Variants in AFAP1 observed in about 807,000 individuals in gnomAD.
AFAP1 encodes the protein actin filament-associated protein 1.
In AFAP1, 75 loss-of-function variants were observed where a neutral mutation model predicts 93.9. That is an observed-to-expected ratio of 0.80 (90% CI 0.66 to 0.97). The LOEUF is 0.97. Ranked by LOEUF, AFAP1 falls within the 50% of genes least tolerant of loss-of-function variation. The pLI is 0.00. For missense variants in AFAP1, 1,201 were observed against 1,050.8 expected, an observed-to-expected ratio of 1.14 and a Z score of -1.98; for synonymous variants, 517 against 430.7, an observed-to-expected ratio of 1.20 and a Z score of -2.48.
intron 1 of AFAP1, among the ~76,000 whole-genome samples, chr4:7,904,453 T>A (rs1719286504): frequency 6.6e-6 from 1 of 152,190 alleles, no homozygotes; most frequent in African/African-American, 2.4e-5. Flanking sequence ...CCATTAGCGT[T>A]CTTTTTCCTC....
rs1199390097 is a variant in AFAP1, at chr4:7,838,531, C to A, written c.719G>T (p.Trp240Leu). The A allele has an allele frequency of 6.2e-7, 1 of 1,612,028 alleles. No homozygotes were observed. The highest frequency in any genetic ancestry group is 1.3e-5 in the African/African-American group (1 of 74,822). Residue 240 changes from tryptophan to leucine, a missense_variant, in exon 6 of 18, where the codon TGG (tryptophan) becomes TTG (leucine). By Grantham distance (61) the Trp-to-Leu change is moderately conservative. Transcript: ENST00000420658. ...ACACAGCAGACAACCTACCTTCAGC[C>A]ACTGCTCGGCCTGTTCCTTGCTCTG... ...AVQSKEQAEQ[W>L]LKVIKEAYSG...
intron 13 of AFAP1, 193 bp from the exon 14 acceptor site, chr4:7,779,069 C>T: frequency 1.7e-6 from 1 of 581,322 alleles, no homozygotes; most frequent in Non-Finnish European, 3.0e-6. Flanking sequence ...TGGGGAATGG[C>T]TAAGGAGGGT....
chr4:7,813,655 G>T (rs539259901), intron 8 of AFAP1, among the ~76,000 whole-genome samples: 25 of 152,282 alleles, frequency 1.6e-4, no homozygotes, highest in African/African-American at 5.3e-4. Flanking sequence ...TCCTGGTTTT[G>T]ATTACACATA....
chr4:7,836,450 C>T (rs1346657802), intron 6 of AFAP1, among the ~76,000 whole-genome samples: 2 of 152,122 alleles, frequency 1.3e-5, no homozygotes, highest in Admixed American at 6.5e-5. Context: ...ATGGGTATGG[C>T]GTTCTTTGTT....
chr4:7,847,914 C>T (rs1021110090), intron 4 of AFAP1, among the ~76,000 whole-genome samples: 4 of 151,554 alleles, frequency 2.6e-5, no homozygotes, highest in East Asian at 1.9e-4. Context: ...GTTGAAAGGA[C>T]GTTGTTGATT....
rs1340033828 is a variant in AFAP1 at position 7,939,853 on chromosome 4, G to A, written c.-200C>T. On this transcript the variant is annotated 5_prime_UTR_variant, in exon 1 of 18. Coordinates refer to ENST00000420658, the MANE Select transcript of AFAP1 (RefSeq NM_001134647.2). This position sits in a 1 kb window ranked among gnomAD's most constrained non-coding sequence, Gnocchi z 5.6. The stretch of plus-strand genomic sequence containing the variant: ...CTGCAGCCGGCGTGGGGCTGCGGCC[G>A]GGACAGACACCACGCAGGCGCACAC... The A allele has an allele frequency of 2.0e-5, 5 of 256,386 alleles. No individual in the cohort carries two copies. The highest frequency in any genetic ancestry group is 1.9e-4 in the Admixed American group (3 of 15,922). 15.9% of individuals were successfully genotyped at this position (256,386 alleles called of 1,614,324 possible).
chr4:7,818,285 G>C (rs1720663103), intron 7 of AFAP1, among the ~76,000 whole-genome samples: 1 of 152,212 alleles, frequency 6.6e-6, no homozygotes, highest in Non-Finnish European at 1.5e-5. Context: ...GCAGGTTTCA[G>C]ACTTGCAGGC....
chr4:7,807,456 G>A (rs1237679888), intron 9 of AFAP1, among the ~76,000 whole-genome samples: 4 of 152,294 alleles, frequency 2.6e-5, no homozygotes, highest in South Asian at 2.1e-4. Flanking sequence ...ACAGCACTTC[G>A]GCAGGGTGGC....
chr4:7,782,844 C>A (rs1278304075), intron 12 of AFAP1, among the ~76,000 whole-genome samples: 2 of 152,158 alleles, frequency 1.3e-5, no homozygotes, highest in Non-Finnish European at 2.9e-5. Context: ...TTTTTGTGAT[C>A]TAAAAATAAC....
intron 17 of AFAP1, among the ~76,000 whole-genome samples, chr4:7,766,826 T>C (rs1159499541): frequency 6.6e-6 from 1 of 152,120 alleles, no homozygotes; most frequent in Non-Finnish European, 1.5e-5. Flanking sequence ...TGGGTGGTTA[T>C]GAGCCAGGAA....
At chr4:7,846,165 G>A (rs35609019) in intron 4 of AFAP1, among the ~76,000 whole-genome samples, 1 of 152,110 alleles carries the variant, frequency 6.6e-6, no homozygotes, top group South Asian at 2.1e-4. Context: ...CCGTGGTTAC[G>A]CTTGGCTGTG....
chr4:7,911,319 C>T (rs948658429), intron 1 of AFAP1, among the ~76,000 whole-genome samples: 5 of 152,166 alleles, frequency 3.3e-5, no homozygotes, highest in African/African-American at 4.8e-5. Flanking sequence ...GGGAAGGGTC[C>T]TCTTGGGCCT....
intron 10 of AFAP1, among the ~76,000 whole-genome samples, chr4:7,794,308 G>C (rs897325077): frequency 1.3e-5 from 2 of 152,104 alleles, no homozygotes; most frequent in African/African-American, 4.8e-5. Flanking sequence ...GCCTGAAATG[G>C]TCATTTAGTT....
At chr4:7,922,828 T>C (rs1577362279) in intron 1 of AFAP1, among the ~76,000 whole-genome samples, 1 of 152,032 alleles carries the variant, frequency 6.6e-6, no homozygotes, top group African/African-American at 2.4e-5. Context: ...TACAAAAAAA[T>C]TTAAAAATTA....
intron 10 of AFAP1, chr4:7,799,036 C>G (rs987358448): frequency 1.0e-6 from 1 of 986,018 alleles, no homozygotes; most frequent in Non-Finnish European, 1.2e-6. Context: ...CCGCCATCCA[C>G]CCTCCAGTTT....
At chr4:7,792,167 G>A (rs560092062) in intron 11 of AFAP1, among the ~76,000 whole-genome samples, 7 of 152,204 alleles carry the variant, frequency 4.6e-5, no homozygotes, top group African/African-American at 1.4e-4. Context: ...ACACTTCTTC[G>A]GGACTACACC....
intron 4 of AFAP1, among the ~76,000 whole-genome samples, chr4:7,851,635 G>C (rs1714451146): frequency 6.6e-6 from 1 of 152,162 alleles, no homozygotes; most frequent in Non-Finnish European, 1.5e-5. Context: ...ATGGGCTCAC[G>C]TATATGTGGA....
intron 10 of AFAP1, among the ~76,000 whole-genome samples, chr4:7,798,325 T>TTGCAACTCTATTGGCTGGCTCACAGCAC (rs1560165242): frequency 8.6e-6 from 1 of 115,818 alleles, no homozygotes; most frequent in Non-Finnish European, 1.8e-5. Context: ...GCTCACGGCA[T>TTGCAACTCTATTGGCTGGCTCACAGCAC]TGCAACTCTA....
chr4:7,783,924 GAT>G, intron 12 of AFAP1, among the ~76,000 whole-genome samples: 1 of 152,332 alleles, frequency 6.6e-6, no homozygotes, highest in East Asian at 1.9e-4. Context: ...TCAGGATGCA[GAT>G]GAGTGTGGTA....
Sources: allele counts gnomAD v4.1 joint callset (sites outside exome capture counted in the v4.1 genomes callset), GRCh38; gene constraint gnomAD v4.1.1; non-coding constraint Gnocchi (gnomAD v3.1); transcripts MANE v1.5; gene names NCBI Gene and HGNC (gene_info 2026-07-23, HGNC 2026-07-21).